Variants in MPP2 observed in about 807,000 individuals in gnomAD.
The protein encoded by MPP2 is MAGUK p55 scaffold protein 2.
In MPP2, 42 loss-of-function variants were observed where a neutral mutation model predicts 58.5. The observed-to-expected ratio is 0.72, with a 90% CI of 0.56 to 0.93. The LOEUF is 0.93. Among genes scored for constraint, MPP2 ranks in the 40% least tolerant of loss-of-function variants. The pLI, the probability that MPP2 is intolerant of heterozygous loss-of-function variation, is 0.00. For missense variants in MPP2, 632 were observed against 760.4 expected, an observed-to-expected ratio of 0.83 and a Z score of 1.99; for synonymous variants, 300 against 307.8, an observed-to-expected ratio of 0.97 and a Z score of 0.26.
intron 12 of MPP2, among the ~76,000 whole-genome samples, chr17:43,878,936 T>TCACCTGGCCCACCTCCAGCC (rs1475278205): frequency 3.3e-5 from 5 of 151,978 alleles, no homozygotes; most frequent in African/African-American, 1.2e-4. Flanking sequence ...CAACCCAAGC[T>TCACCTGGCCCACCTCCAGCC]CACCTGGCCC....
At chr17:43,898,627 G>A (rs1364743431) in intron 2 of MPP2, among the ~76,000 whole-genome samples, 7 of 152,198 alleles carry the variant, frequency 4.6e-5, no homozygotes, top group Non-Finnish European at 1.0e-4. Flanking sequence ...GCCTGAGCAG[G>A]TGGGAGGCTC....
At position 43,879,750 on chromosome 17, in the gene MPP2, G is replaced by A; in HGVS notation, c.1353+32C>T. 6.2e-7 allele frequency: 1 copy of A among 1,609,838 alleles called. No individual in the cohort carries two copies. The highest frequency in any genetic ancestry group is 1.3e-5 in the African/African-American group (1 of 74,918). ...GCAATGAGGCAGCAGAGAGGACATT[G>A]GGCAGGCTGGGAAGGAGCAGAGTGG... is the stretch of plus-strand genomic sequence containing the variant. On this transcript the variant is annotated intron_variant, in intron 11 of 12. Coordinates refer to ENST00000269095, the MANE Select transcript of MPP2 (RefSeq NM_005374.5). The surrounding 1 kb of genome is among the most constrained non-coding windows in gnomAD (Gnocchi z 4.1).
At chr17:43,902,398 G>A (rs231491) in intron 2 of MPP2, among the ~76,000 whole-genome samples, 63,272 of 151,978 alleles carry the variant, frequency 0.42, 13,817 homozygotes, top group East Asian at 0.67. Context: ...GGGCAGTCCC[G>A]GCTGGAGAGG....
chr17:43,889,008 C>T (rs935830898), intron 3 of MPP2, among the ~76,000 whole-genome samples: 6 of 152,092 alleles, frequency 3.9e-5, no homozygotes, highest in African/African-American at 1.2e-4. Context: ...CTCACTGCAA[C>T]CTCCACTTCC....
chr17:43,896,539 T>C (rs2047854825), intron 3 of MPP2, among the ~76,000 whole-genome samples: 1 of 152,012 alleles, frequency 6.6e-6, no homozygotes, highest in South Asian at 2.1e-4. Context: ...GTTCTGCCTC[T>C]TTCCAGCCTG....
rs753133804 is a variant in MPP2, at chr17:43,883,012, T to C, written c.344A>G (p.Tyr115Cys). Residue 115 changes from tyrosine (Y) to cysteine (C), a missense_variant, in exon 5 of 13, where the codon TAT becomes TGT. By Grantham distance (194) the Tyr-to-Cys change is radical. Coordinates refer to ENST00000269095, the MANE Select transcript of MPP2 (RefSeq NM_005374.5). ...ETHDSVASKT[Y>C]ETPPPSPGLD... is the part of the protein sequence containing the mutation. ...GCCAGGGCTGGGGGGTGGTGTCTCATAGGTCTTTGAGGCCACAGAGTCGTG... is the reference window on the plus strand; with the variant it reads ...GCCAGGGCTGGGGGGTGGTGTCTCACAGGTCTTTGAGGCCACAGAGTCGTG... 6.8e-6 allele frequency: 11 copies of C among 1,610,044 alleles called. No individual in the cohort carries two copies. Among genetic ancestry groups the C allele is most frequent in the East Asian group, 2.2e-5 (1 of 44,828 alleles).
At chr17:43,907,539 T>C (rs1272555122), upstream of MPP2, 9 of 985,358 alleles carry the variant, frequency 9.1e-6, no homozygotes, top group South Asian at 1.9e-4. Flanking sequence ...CGTTTATTGC[T>C]TGTCAATCGC....
At chr17:43,907,140 C>T in intron 1 of MPP2, 2 of 979,954 alleles carry the variant, frequency 2.0e-6, no homozygotes, top group Non-Finnish European at 2.4e-6. Context: ...TAATGCCGGG[C>T]TTCTAAGTAC....
At position 43,880,043 on chromosome 17, in the gene MPP2, C is replaced by G; in HGVS notation, c.1151-59G>C. The stretch of plus-strand genomic sequence containing the variant: ...CAGGGGCAGGTTACAGTGCCTCAGA[C>G]ACATATATGCACCCCTACCCAGGCC... On this transcript the variant is annotated intron_variant, in intron 10 of 12. Transcript: ENST00000269095. The surrounding 1 kb of genome is among the most constrained non-coding windows in gnomAD (Gnocchi z 5.2). 6.6e-7 allele frequency: 1 copy of G among 1,512,344 alleles called. No homozygotes were observed. Among genetic ancestry groups the G allele is most frequent in the Non-Finnish European group, 9.2e-7 (1 of 1,092,262 alleles). The allele number at this position is 1,512,344 out of a possible 1,614,324, so 93.7% of individuals were successfully genotyped here.
chr17:43,882,407 C>A lies in MPP2; in HGVS notation c.558G>T (p.Lys186Asn), dbSNP rs1291525153. 2 of 1,611,318 alleles carry A rather than the reference C, an allele frequency of 1.2e-6. No homozygotes were observed. Among genetic ancestry groups the A allele is most frequent in the African/African-American group, 2.7e-5 (2 of 74,922 alleles). Reference protein sequence around the residue: ...QGLLHVGDIIKEVNGQPVGSD... With the variant: ...QGLLHVGDIINEVNGQPVGSD... ...TGCCCACTGGCTGCCCGTTCACCTC[C>A]TTGATGATGTCACCCACATGCAGCA... is the stretch of plus-strand genomic sequence containing the variant. The change falls in exon 6 of 13, where the codon AAG becomes AAT. Residue 186 changes from lysine (K) to asparagine (N), a missense_variant. Physicochemically the swap from Lys to Asn is moderately conservative, Grantham distance 94. Transcript: ENST00000269095.
At chr17:43,883,960 C>A in intron 3 of MPP2, 1 of 609,364 alleles carries the variant, frequency 1.6e-6, no homozygotes, top group South Asian at 2.1e-5. Flanking sequence ...GTGACCAGCC[C>A]AGTGGGGAGT....
At chr17:43,901,317 A>G in intron 2 of MPP2, 2 of 985,368 alleles carry the variant, frequency 2.0e-6, no homozygotes, top group Non-Finnish European at 1.2e-6. Flanking sequence ...CCCCTCCCCC[A>G]TCTCCCATGA....
chr17:43,903,396 C>T (rs2048171481), intron 2 of MPP2, among the ~76,000 whole-genome samples: 1 of 152,150 alleles, frequency 6.6e-6, no homozygotes, highest in African/African-American at 2.4e-5. Flanking sequence ...AGGGTTAATG[C>T]CAAAATAACA....
At chr17:43,900,374 T>C in intron 2 of MPP2, 1 of 1,430,334 alleles carries the variant, frequency 7.0e-7, no homozygotes, top group Non-Finnish European at 9.4e-7. Flanking sequence ...TCAGATGACC[T>C]CTCCCAGGCC....
intron 3 of MPP2, among the ~76,000 whole-genome samples, chr17:43,888,890 A>T (rs1253340147): frequency 6.6e-6 from 1 of 152,176 alleles, no homozygotes; most frequent in Non-Finnish European, 1.5e-5. Flanking sequence ...ACATTTAATC[A>T]TTCAAATACA....
At position 43,880,543 on chromosome 17, in the gene MPP2, C is replaced by A. The variant is rs2047061938; in HGVS notation, c.1150+148G>T. ...CCTGAGCCTGAAGTTCCCCTAACCA[C>A]CCACAGAGGGCGTGCACCCCAACCC... On this transcript the variant is annotated intron_variant, in intron 10 of 12. Coordinates refer to ENST00000269095, the MANE Select transcript of MPP2 (RefSeq NM_005374.5). This position sits in a 1 kb window ranked among gnomAD's most constrained non-coding sequence, Gnocchi z 5.2. 1.2e-6 allele frequency: 1 copy of A among 864,418 alleles called. No individual in the cohort carries two copies. Among genetic ancestry groups the A allele is most frequent in the Non-Finnish European group, 1.7e-6 (1 of 603,486 alleles). 53.5% of individuals were successfully genotyped at this position (864,418 alleles called of 1,614,324 possible).
In MPP2 at chr17:43,881,170, G is replaced by C. The variant is rs778532798; in HGVS notation, c.920-12C>G. On this transcript the variant is annotated splice_polypyrimidine_tract_variant and intron_variant, in intron 8 of 12. Coordinates refer to ENST00000269095, the MANE Select transcript of MPP2 (RefSeq NM_005374.5). ...GCCGCATAGGGTCCCTGGCCATAGG[G>C]AGATGGGTGAGTGAGGCAGACAGGG... 14 of 1,613,976 alleles carry C rather than the reference G, an allele frequency of 8.7e-6. No individual in the cohort carries two copies. The highest frequency in any genetic ancestry group is 3.3e-4 in the Middle Eastern group (2 of 6,084).
At chr17:43,881,179 G>A in intron 8 of MPP2, 21 bp from the exon 9 acceptor site, 3 of 1,613,994 alleles carry the variant, frequency 1.9e-6, no homozygotes, top group Non-Finnish European at 2.5e-6. Flanking sequence ...GGAGATGGGT[G>A]AGTGAGGCAG....
rs1328993027 is a variant in MPP2, at chr17:43,879,687, C to T, written c.1353+95G>A. On this transcript the variant is annotated intron_variant, in intron 11 of 12. Coordinates refer to ENST00000269095, the MANE Select transcript of MPP2 (RefSeq NM_005374.5). The surrounding 1 kb of genome is among the most constrained non-coding windows in gnomAD (Gnocchi z 4.1). ...GTTGAGGGCAAAGGGGGTACATGGG[C>T]GTGTTCAGGTGACAGGTGTCTGGAA... The T allele has an allele frequency of 1.4e-5, 20 of 1,383,952 alleles. 1 individual carries two copies. Among genetic ancestry groups the T allele is most frequent in the Middle Eastern group, 2.4e-4 (1 of 4,118 alleles). 85.7% of individuals were successfully genotyped at this position (1,383,952 alleles called of 1,614,324 possible).
Sources: gnomAD v4.1 joint callset for allele counts (sites outside exome capture counted in the v4.1 genomes callset) on GRCh38, gnomAD v4.1.1 for gene constraint, Gnocchi (gnomAD v3.1) non-coding constraint, MANE v1.5 for transcripts, NCBI Gene and HGNC (gene_info 2026-07-23, HGNC 2026-07-21) for gene names.